DENND4A: variants seen among roughly 807,000 people sequenced by gnomAD.
DENND4A encodes the protein C-myc promoter-binding protein.
DENND4A carries 70 observed loss-of-function variants against 199.3 expected under a neutral mutation model. That is an observed-to-expected ratio of 0.35 (90% confidence interval 0.29 to 0.43). DENND4A has a LOEUF of 0.43. Ranked by LOEUF, DENND4A falls within the 20% of genes least tolerant of loss-of-function variation. The probability of loss-of-function intolerance (pLI) is 1.00; values close to 1 mark genes in which losing one functional copy is unlikely to be tolerated. For missense variants in DENND4A, 1,723 were observed against 2,255.8 expected (o/e 0.76, Z 4.78); for synonymous variants, 686 against 766.9 (o/e 0.89, Z 1.74).
chr15:65,689,925 CCT>C (rs1200601458), intron 23 of DENND4A, among the ~76,000 whole-genome samples: 2 of 152,156 alleles, frequency 1.3e-5, no homozygotes, highest in Non-Finnish European at 2.9e-5. Context: ...TAGAATCCTG[CCT>C]CTCTGCTTTC....
At chr15:65,700,734 G>T in intron 19 of DENND4A, 59 bp from the exon 20 acceptor site, 2 of 1,435,342 alleles carry the variant, frequency 1.4e-6, no homozygotes, top group Non-Finnish European at 9.2e-7. Flanking sequence ...ACATTAATTT[G>T]TTGCTCAAGC....
At chr15:65,727,280 G>A (rs760462533) in intron 11 of DENND4A, among the ~76,000 whole-genome samples, 11 of 151,072 alleles carry the variant, frequency 7.3e-5, no homozygotes, top group African/African-American at 1.2e-4. Context: ...GTGAAACCCC[G>A]TCTCTACTAA....
At chr15:65,678,628 T>C (rs552746296) in intron 23 of DENND4A, among the ~76,000 whole-genome samples, 2 of 152,368 alleles carry the variant, frequency 1.3e-5, no homozygotes, top group South Asian at 4.1e-4. Context: ...AGTTTTTCAG[T>C]GGTAGTAGAT....
chr15:65,736,016 C>G (rs914792699), intron 7 of DENND4A, among the ~76,000 whole-genome samples: 4 of 152,142 alleles, frequency 2.6e-5, no homozygotes, highest in Admixed American at 1.3e-4. Context: ...TACAAACTTT[C>G]AAGTGGAAAT....
intron 19 of DENND4A, 47 bp downstream of exon 19, chr15:65,701,004 C>T (rs749913440): frequency 6.5e-7 from 1 of 1,541,674 alleles, no homozygotes; most frequent in Non-Finnish European, 8.7e-7. Flanking sequence ...TAAACTGTAG[C>T]TAATCAATTA....
chr15:65,756,304 T>C lies in DENND4A; in HGVS notation c.147A>G (p.Ser49=). 1.2e-6 allele frequency: 2 copies of C among 1,613,614 alleles called. No individual in the cohort carries two copies. Among genetic ancestry groups the C allele is most frequent in the South Asian group, 1.1e-5 (1 of 91,050 alleles). ...CCTCCCCAAGAGATTTGATAATAAC[T>C]GAAACATCTGTAATAGGTTCTTTTG... The part of the protein sequence containing the change: ...AKPKEPITDV[S]VIIKSLGEEV... The change falls in exon 3 of 33, where the codon TCA becomes TCG. Residue 49 remains serine, a synonymous_variant. Coordinates refer to ENST00000443035, the MANE Select transcript of DENND4A (RefSeq NM_001320835.1).
chr15:65,767,252 T>C (rs1253608636), intron 1 of DENND4A: 9 of 152,200 alleles, frequency 5.9e-5, no homozygotes, highest in African/African-American at 9.6e-5. Flanking sequence ...TTTAGTATAA[T>C]TGAACAAACT....
chr15:65,756,285 C>T lies in DENND4A; in HGVS notation c.166G>A (p.Gly56Arg). The T allele has an allele frequency of 6.2e-7, 1 of 1,613,346 alleles. No individual in the cohort carries two copies. Among genetic ancestry groups the T allele is most frequent in the Non-Finnish European group, 8.5e-7 (1 of 1,179,626 alleles). ...TDVSVIIKSL[G>R]EEVPQDYICI... The stretch of plus-strand genomic sequence containing the variant: ...ATATAATCCTGTGGGACTTCCTCCC[C>T]AAGAGATTTGATAATAACTGAAACA... Residue 56 changes from glycine (G) to arginine (R), a missense_variant, in exon 3 of 33, where the codon GGG (glycine) becomes AGG (arginine). Around this residue, in one of 6 missense-constraint regions of DENND4A, gnomAD observed 725 missense variants for 952.9 expected, o/e 0.76. Transcript: ENST00000443035.
intron 12 of DENND4A, among the ~76,000 whole-genome samples, chr15:65,721,608 A>AG (rs1302772631): frequency 6.6e-6 from 1 of 151,422 alleles, no homozygotes; most frequent in East Asian, 1.9e-4. Context: ...AAAAAAAAAA[A>AG]AAAGAAAGAG....
intron 12 of DENND4A, among the ~76,000 whole-genome samples, chr15:65,722,414 G>A (rs77679789): frequency 8.4e-4 from 128 of 152,100 alleles, no homozygotes; most frequent in African/African-American, 3.0e-3. Context: ...GCTGTAGTGG[G>A]CCATGTTTGT....
At chr15:65,693,391 T>A (rs897766000) in intron 22 of DENND4A, among the ~76,000 whole-genome samples, 1 of 152,184 alleles carries the variant, frequency 6.6e-6, no homozygotes, top group African/African-American at 2.4e-5. Context: ...GCAAAGCCCC[T>A]GAGCCAACAT....
intron 14 of DENND4A, among the ~76,000 whole-genome samples, chr15:65,706,447 AACACACACAC>A (rs77421887): frequency 0.18 from 23,009 of 130,186 alleles, 2,700 homozygotes; most frequent in East Asian, 0.6. Context: ...AGGGGAAAAT[AACACACACAC>A]ACACACACAC....
At chr15:65,709,361 A>C (rs1475597099) in intron 14 of DENND4A, among the ~76,000 whole-genome samples, 1 of 152,164 alleles carries the variant, frequency 6.6e-6, no homozygotes, top group Non-Finnish European at 1.5e-5. Flanking sequence ...GGCTAATAAC[A>C]CCACCAGGGA....
chr15:65,680,894 A>C (rs1596412995), intron 23 of DENND4A: 2 of 152,352 alleles, frequency 1.3e-5, no homozygotes, highest in African/African-American at 4.8e-5. Context: ...AATTATGTGA[A>C]CCTTCAGCAA....
At chr15:65,738,265 T>A (rs2076166377) in intron 6 of DENND4A, among the ~76,000 whole-genome samples, 1 of 152,148 alleles carries the variant, frequency 6.6e-6, no homozygotes, top group South Asian at 2.1e-4. Flanking sequence ...GAGATGAAAC[T>A]TTAGATAACG....
At chr15:65,721,962 T>A (rs1028735763) in intron 12 of DENND4A, among the ~76,000 whole-genome samples, 1 of 152,174 alleles carries the variant, frequency 6.6e-6, no homozygotes, top group Non-Finnish European at 1.5e-5. Flanking sequence ...ATATTCCATA[T>A]CCTAATCAAT....
chr15:65,661,791 G>C lies in DENND4A; in HGVS notation c.*60C>G. On this transcript the variant is annotated 3_prime_UTR_variant, in exon 33 of 33. Transcript: ENST00000443035. ...AAGAAAAAATATTTAGAGTCTAAAA[G>C]TGTTATTTTATACACTGACTATACA... 1 of 1,386,384 alleles carries C rather than the reference G, an allele frequency of 7.2e-7. No homozygotes were observed. The highest frequency in any genetic ancestry group is 9.7e-7 in the Non-Finnish European group (1 of 1,031,730). The allele number at this position is 1,386,384 out of a possible 1,614,324, so 85.9% of individuals were successfully genotyped here. A position where few individuals can be genotyped will look rare whatever the true frequency, so the allele number is the denominator to read the frequency against.
At chr15:65,789,764 T>C (rs1368514264) in intron 1 of DENND4A, among the ~76,000 whole-genome samples, 2 of 152,250 alleles carry the variant, frequency 1.3e-5, no homozygotes, top group Non-Finnish European at 2.9e-5. Flanking sequence ...ACTAGGTTTT[T>C]GTAGGACATA....
chr15:65,687,570 G>C (rs1461993026), intron 23 of DENND4A, among the ~76,000 whole-genome samples: 1 of 152,154 alleles, frequency 6.6e-6, no homozygotes, highest in South Asian at 2.1e-4. Flanking sequence ...CATTGCTCAT[G>C]AATTATTTTA....
Sources: gnomAD v4.1 joint callset for allele counts (sites outside exome capture counted in the v4.1 genomes callset) on GRCh38, gnomAD v4.1.1 for gene constraint, gnomAD v4.1.1 regional missense constraint, MANE v1.5 for transcripts, NCBI Gene and HGNC (gene_info 2026-07-23, HGNC 2026-07-21) for gene names.